Variants in MYOM2 observed in about 807,000 individuals in gnomAD.
MYOM2 encodes the protein myomesin-2.
In MYOM2, 254 loss-of-function variants were observed where a neutral mutation model predicts 187.6. The observed-to-expected ratio is 1.35, with a 90% confidence interval of 1.22 to 1.50. The LOEUF (loss-of-function observed/expected upper bound fraction) is 1.50. Ranked by LOEUF, MYOM2 falls within the 40% of genes most tolerant of loss-of-function variation. MYOM2 has a pLI of 0.00. For missense variants in MYOM2, 2,796 were observed against 1,924.0 expected (o/e 1.45, Z -8.48); for synonymous variants, 981 against 753.8 (o/e 1.30, Z -4.94).
At position 2,063,543 on chromosome 8, in the gene MYOM2, C is replaced by G. The variant is rs541344317; in HGVS notation, c.653+4298C>G. ...ATGAAAGTATTTATAATAGAACAAT[C>G]TATCTGGTTTTCTATCAGTAACGTG... On this transcript the variant is annotated intron_variant, in intron 6 of 36. Transcript: ENST00000262113. 2.6e-5 allele frequency among the ~76,000 whole-genome samples: 4 copies of G among 152,344 alleles called. No homozygotes were observed. The South Asian group carries it at 8.3e-4, about 32-fold the overall frequency.
At chr8:2,113,274 T>C (rs1797127877) in intron 25 of MYOM2, among the ~76,000 whole-genome samples, 1 of 152,224 alleles carries the variant, frequency 6.6e-6, no homozygotes, top group African/African-American at 2.4e-5. Context: ...TGGGATGTGG[T>C]CCTTCTACCG....
At chr8:2,094,189 G>T (rs1796403714) in intron 17 of MYOM2, 98 bp downstream of exon 17, 1 of 1,442,916 alleles carries the variant, frequency 6.9e-7, no homozygotes, top group East Asian at 2.4e-5. Flanking sequence ...GTCATTGAAG[G>T]GGAAAAGGGG....
chr8:2,092,882 A>C (rs1796357246), intron 16 of MYOM2, among the ~76,000 whole-genome samples: 1 of 152,068 alleles, frequency 6.6e-6, no homozygotes, highest in African/African-American at 2.4e-5. Context: ...TTGAACTTGA[A>C]AGTTGCTTTG....
intron 16 of MYOM2, among the ~76,000 whole-genome samples, chr8:2,092,864 T>G (rs1796356975): frequency 6.6e-6 from 1 of 152,212 alleles, no homozygotes; most frequent in Admixed American, 6.5e-5. Flanking sequence ...TTTTTCGTAT[T>G]GATTTTTTTG....
intron 28 of MYOM2, among the ~76,000 whole-genome samples, chr8:2,121,865 C>G (rs369337321): frequency 1.3e-5 from 2 of 152,158 alleles, no homozygotes; most frequent in South Asian, 4.1e-4. Flanking sequence ...ATGTAATCAT[C>G]TTTCCTAGAC....
chr8:2,144,581 G>C, intron 36 of MYOM2, 83 bp from the exon 37 acceptor site: 1 of 1,364,842 alleles, frequency 7.3e-7, no homozygotes, highest in East Asian at 2.3e-5. Context: ...AACTGAGTGT[G>C]ACCTGGAGCC....
chr8:2,144,330 AGACTGGATATATCTACT>A, intron 36 of MYOM2, among the ~76,000 whole-genome samples: 1 of 152,370 alleles, frequency 6.6e-6, no homozygotes, highest in South Asian at 2.1e-4. Flanking sequence ...ATTTGGGAGC[AGACTGGATATATCTACT>A]ATAAAACATA....
At chr8:2,068,524 T>G (rs13253580) in intron 6 of MYOM2, among the ~76,000 whole-genome samples, 17 of 140,724 alleles carry the variant, frequency 1.2e-4, no homozygotes, top group South Asian at 4.4e-4. Context: ...GCATCCTGGG[T>G]ACAGCTCTTC....
At chr8:2,134,480 C>G (rs35843254) in intron 32 of MYOM2, among the ~76,000 whole-genome samples, 1 of 152,112 alleles carries the variant, frequency 6.6e-6, no homozygotes, top group Non-Finnish European at 1.5e-5. Flanking sequence ...GTAAATACTT[C>G]AGGACTTGGC....
intron 19 of MYOM2, 148 bp downstream of exon 19, chr8:2,099,131 C>T: frequency 6.3e-6 from 7 of 1,108,806 alleles, no homozygotes; most frequent in Non-Finnish European, 8.7e-6. Flanking sequence ...GCGCCAGGCG[C>T]CGTGCAGGGC....
At chr8:2,120,680 T>TATATATATTTCCTGTATATA in intron 28 of MYOM2, among the ~76,000 whole-genome samples, 1 of 48,300 alleles carries the variant, frequency 2.1e-5, no homozygotes, top group African/African-American at 6.6e-5. Context: ...ATATATTATA[T>TATATATATTTCCTGTATATA]TATATATAAA....
chr8:2,105,310 G>C (rs1796853839), intron 21 of MYOM2, among the ~76,000 whole-genome samples: 1 of 152,144 alleles, frequency 6.6e-6, no homozygotes, highest in South Asian at 2.1e-4. Context: ...CATAACCCGA[G>C]AGCACTGACA....
At chr8:2,139,523 G>C (rs1798202329) in intron 32 of MYOM2, among the ~76,000 whole-genome samples, 1 of 152,166 alleles carries the variant, frequency 6.6e-6, no homozygotes, top group South Asian at 2.1e-4. Flanking sequence ...GGTGAGGAGG[G>C]CTGGAGAATT....
chr8:2,118,197 T>A (rs1028706769), intron 28 of MYOM2, among the ~76,000 whole-genome samples: 7 of 152,148 alleles, frequency 4.6e-5, no homozygotes, highest in Non-Finnish European at 1.0e-4. Flanking sequence ...GAAGGTTGGA[T>A]TATAAAAATT....
chr8:2,136,106 A>T (rs371517434), intron 32 of MYOM2, among the ~76,000 whole-genome samples: 1 of 152,178 alleles, frequency 6.6e-6, no homozygotes, highest in Non-Finnish European at 1.5e-5. Flanking sequence ...CAGAATTAGA[A>T]CCCAGTCCAA....
At chr8:2,057,602 C>T (rs1351740816) in intron 4 of MYOM2, 21 bp from the exon 5 acceptor site, 22 of 1,613,584 alleles carry the variant, frequency 1.4e-5, no homozygotes, top group Non-Finnish European at 1.7e-5. Flanking sequence ...GGAACCTGAC[C>T]ATCCTTGCTT....
At chr8:2,088,697 CTTTTGAG>C (rs1420142865) in intron 14 of MYOM2, among the ~76,000 whole-genome samples, 3 of 152,210 alleles carry the variant, frequency 2.0e-5, no homozygotes, top group Non-Finnish European at 4.4e-5. Flanking sequence ...CATGTCTTTA[CTTTTGAG>C]AACAGTGCTG....
chr8:2,133,578 A>C (rs905394099), intron 32 of MYOM2, among the ~76,000 whole-genome samples: 1 of 152,164 alleles, frequency 6.6e-6, no homozygotes, highest in African/African-American at 2.4e-5. Flanking sequence ...CTCCCACCTC[A>C]GCCTCCAGAG....
At chr8:2,131,801 G>A (rs1797882076) in intron 32 of MYOM2, among the ~76,000 whole-genome samples, 1 of 151,676 alleles carries the variant, frequency 6.6e-6, no homozygotes. Flanking sequence ...CCACCACCAC[G>A]CCTGGCTAAT....
Sources: allele counts gnomAD v4.1 joint callset (sites outside exome capture counted in the v4.1 genomes callset), GRCh38; gene constraint gnomAD v4.1.1; transcripts MANE v1.5; gene names NCBI Gene and HGNC (gene_info 2026-07-23, HGNC 2026-07-21).